Variants in GRIK2 observed in about 807,000 individuals in gnomAD.
The protein encoded by GRIK2 is glutamate ionotropic receptor kainate type subunit 2.
Under a neutral mutation model 100.3 loss-of-function variants are expected in GRIK2, and 32 were observed. The observed-to-expected ratio is 0.32, with a 90% confidence interval of 0.24 to 0.43. The LOEUF (loss-of-function observed/expected upper bound fraction) is 0.43, where lower values mean the gene tolerates loss of function less well. GRIK2 is among the 20% of genes least tolerant of loss of function. GRIK2 has a pLI of 1.00. For synonymous variants in GRIK2, 417 were observed against 389.4 expected, an observed-to-expected ratio of 1.07 and a Z score of -0.83; for missense variants, 843 against 1,114.9, an observed-to-expected ratio of 0.76 and a Z score of 3.47.
In GRIK2 at chr6:101,507,539, T is replaced by C. The variant is rs550230338; in HGVS notation, c.115+108147T>C. Among the ~76,000 whole-genome samples, 159 of 152,254 alleles carry C rather than the reference T, an allele frequency of 1.0e-3. 1 individual carries two copies. The highest frequency in any genetic ancestry group is 1.9e-3 in the Non-Finnish European group (127 of 67,996). The stretch of plus-strand genomic sequence containing the variant: ...TCTTTAAAGTTAAAAAAGATGAACA[T>C]ATAGTTTATTCATACAATGAAACAT... On this transcript the variant is annotated intron_variant, in intron 2 of 16. Transcript: ENST00000369134.
rs558219328 is a variant in GRIK2 at position 102,028,725 on chromosome 6, CG to C, written c.2086-6615del. On this transcript the variant is annotated intron_variant, in intron 14 of 16. Transcript: ENST00000369134. Reference sequence around the variant, plus strand: ...ACTATAAGGATAATAATTAAGAAATCGTTTTTTTTATTTTTGTCAGGTAAGT... The same window carrying C: ...ACTATAAGGATAATAATTAAGAAATCTTTTTTTTATTTTTGTCAGGTAAGT... Among the ~76,000 whole-genome samples the C allele has an allele frequency of 3.3e-3, 448 of 135,670 alleles. 3 individuals are homozygous for C. The highest frequency in any genetic ancestry group is 0.01 in the African/African-American group (410 of 39,310). The allele number at this position is 135,670 out of a possible 152,430, so 89.0% of individuals were successfully genotyped here.
At chr6:101,452,732 G>A (rs1042986304) in intron 2 of GRIK2, among the ~76,000 whole-genome samples, 3 of 151,692 alleles carry the variant, frequency 2.0e-5, no homozygotes, top group South Asian at 2.1e-4. Context: ...CTATCTCAAT[G>A]TGTTTATTGC....
intron 7 of GRIK2, among the ~76,000 whole-genome samples, chr6:101,712,676 G>A (rs919007709): frequency 6.6e-6 from 1 of 151,754 alleles, no homozygotes; most frequent in Admixed American, 6.6e-5. Flanking sequence ...AGATATCAGA[G>A]CTGAATTTCT....
intron 10 of GRIK2, among the ~76,000 whole-genome samples, chr6:101,831,600 A>G (rs199523971): frequency 3.0e-4 from 46 of 152,172 alleles, no homozygotes; most frequent in East Asian, 3.9e-4. Flanking sequence ...AAATAAAATA[A>G]TACTGTCCTG....
chr6:101,829,057 G>A (rs1050879325), intron 10 of GRIK2, among the ~76,000 whole-genome samples: 2 of 151,810 alleles, frequency 1.3e-5, no homozygotes, highest in African/African-American at 4.8e-5. Flanking sequence ...GAAAACATTA[G>A]TTCAACATGA....
At chr6:101,856,494 A>G (rs1009616096) in intron 10 of GRIK2, among the ~76,000 whole-genome samples, 1 of 152,182 alleles carries the variant, frequency 6.6e-6, no homozygotes, top group African/African-American at 2.4e-5. Flanking sequence ...TAAAGATGTT[A>G]TTGAATTTGA....
chr6:101,565,915 T>TTATATATATATATATATGTGTATATA (rs1475985064), intron 2 of GRIK2, among the ~76,000 whole-genome samples: 3 of 123,312 alleles, frequency 2.4e-5, no homozygotes, highest in Middle Eastern at 4.2e-3. Context: ...TATACCTATT[T>TTATATATATATATATATGTGTATATA]TATATATATA....
chr6:101,727,492 T>C (rs1481783791), intron 7 of GRIK2, among the ~76,000 whole-genome samples: 1 of 152,252 alleles, frequency 6.6e-6, no homozygotes, highest in Admixed American at 6.6e-5. Flanking sequence ...TCTCCTGTGC[T>C]GCTGGTCAAC....
chr6:101,805,050 G>A (rs771123766), intron 9 of GRIK2, among the ~76,000 whole-genome samples: 6 of 151,862 alleles, frequency 4.0e-5, no homozygotes, highest in South Asian at 2.1e-4. Flanking sequence ...AAAACACAGC[G>A]TCTTACACTG....
chr6:101,921,121 T>A (rs949520506), intron 12 of GRIK2, among the ~76,000 whole-genome samples: 3 of 151,572 alleles, frequency 2.0e-5, no homozygotes, highest in Non-Finnish European at 4.4e-5. Context: ...ACTGCTGGAG[T>A]TTTGGGTTAT....
intron 14 of GRIK2, among the ~76,000 whole-genome samples, chr6:102,017,090 A>C (rs1475639770): frequency 2.0e-5 from 3 of 152,144 alleles, no homozygotes; most frequent in African/African-American, 7.2e-5. Context: ...GGAATTCATT[A>C]CCTCTAGACC....
intron 7 of GRIK2, among the ~76,000 whole-genome samples, chr6:101,733,662 G>A (rs1304899686): frequency 6.8e-6 from 1 of 148,060 alleles, no homozygotes; most frequent in Non-Finnish European, 1.5e-5. Flanking sequence ...AATCTTCAAG[G>A]TCTGGTTCTT....
Position 102,048,690 on chromosome 6 carries a change from C to T in GRIK2, c.2312-6640C>T, listed in dbSNP as rs1223787721. 2.0e-5 allele frequency among the ~76,000 whole-genome samples: 3 copies of T among 152,012 alleles called. No homozygotes were observed. In the East Asian group the frequency reaches 5.8e-4, roughly 29 times the overall value. ...GTTAGAATAGCTGTAACAAAAAAGA[C>T]ATAATGTATTGGAGTAATGACAAGC... is the stretch of plus-strand genomic sequence containing the variant. On this transcript the variant is annotated intron_variant, in intron 15 of 16. Coordinates refer to ENST00000369134, the MANE Select transcript of GRIK2 (RefSeq NM_021956.5).
intron 4 of GRIK2, among the ~76,000 whole-genome samples, chr6:101,633,698 G>C (rs2128321365): frequency 6.6e-6 from 1 of 152,210 alleles, no homozygotes; most frequent in South Asian, 2.1e-4. Context: ...TTGCTATCAA[G>C]TTAATCATTT....
chr6:101,648,782 C>T (rs1198922552), intron 4 of GRIK2, among the ~76,000 whole-genome samples: 2 of 151,878 alleles, frequency 1.3e-5, no homozygotes, highest in Non-Finnish European at 2.9e-5. Context: ...TGTTCTCATA[C>T]TGCTAATAAA....
At chr6:101,958,722 T>C (rs1792100959) in intron 14 of GRIK2, among the ~76,000 whole-genome samples, 1 of 152,092 alleles carries the variant, frequency 6.6e-6, no homozygotes, top group African/African-American at 2.4e-5. Flanking sequence ...GTGCTGAGTG[T>C]TTTTATCATT....
chr6:101,744,356 G>A (rs1776245546), intron 7 of GRIK2, among the ~76,000 whole-genome samples: 1 of 151,374 alleles, frequency 6.6e-6, no homozygotes. Context: ...TCACATATTA[G>A]TGAGAATATA....
intron 15 of GRIK2, among the ~76,000 whole-genome samples, chr6:102,049,893 A>T (rs537700932): frequency 6.6e-6 from 1 of 152,312 alleles, no homozygotes; most frequent in Non-Finnish European, 1.5e-5. Flanking sequence ...TATAAGATAC[A>T]TTGATTTCAG....
At chr6:101,827,692 A>G (rs1297673528) in intron 10 of GRIK2, among the ~76,000 whole-genome samples, 1 of 152,000 alleles carries the variant, frequency 6.6e-6, no homozygotes, top group Admixed American at 6.6e-5. Flanking sequence ...ACAAAGAATG[A>G]CATTACATAA....
Sources: allele counts gnomAD v4.1 joint callset (sites outside exome capture counted in the v4.1 genomes callset), GRCh38; gene constraint gnomAD v4.1.1; transcripts MANE v1.5; gene names NCBI Gene and HGNC (gene_info 2026-07-23, HGNC 2026-07-21).